PCLO: variants seen among roughly 807,000 people sequenced by gnomAD.
The protein encoded by PCLO is piccolo presynaptic cytomatrix protein, also known as protein piccolo.
In PCLO, 82 loss-of-function variants were observed where a neutral mutation model predicts 427.5. That is an observed-to-expected ratio of 0.19 (90% confidence interval 0.16 to 0.23). The LOEUF (loss-of-function observed/expected upper bound fraction) is 0.23. Among genes scored for constraint, PCLO ranks in the 10% least tolerant of loss-of-function variants. PCLO has a pLI of 1.00. For synonymous variants in PCLO, 2,357 were observed against 2,155.4 expected (o/e 1.09, Z -2.59); for missense variants, 6,239 against 6,115.9 (o/e 1.02, Z -0.67).
At chr7:82,997,378 T>A (rs1203157788) in intron 3 of PCLO, among the ~76,000 whole-genome samples, 1 of 151,996 alleles carries the variant, frequency 6.6e-6, no homozygotes, top group Non-Finnish European at 1.5e-5. Flanking sequence ...AGTACAGATA[T>A]AGCTGTTACC....
chr7:82,883,154 T>C (rs1031482488), intron 9 of PCLO, among the ~76,000 whole-genome samples: 1 of 152,038 alleles, frequency 6.6e-6, no homozygotes, highest in African/African-American at 2.4e-5. Context: ...TATCCTAGAA[T>C]AAAAATATAT....
chr7:82,791,479 A>G (rs1791100084), intron 22 of PCLO, among the ~76,000 whole-genome samples: 1 of 152,224 alleles, frequency 6.6e-6, no homozygotes, highest in Admixed American at 6.5e-5. Context: ...ACAAAACATG[A>G]CTTGAGTAGA....
At chr7:82,870,974 A>T (rs1343078553) in intron 10 of PCLO, among the ~76,000 whole-genome samples, 1 of 151,940 alleles carries the variant, frequency 6.6e-6, no homozygotes, top group East Asian at 1.9e-4. Context: ...GCTGGCAAAG[A>T]CTTGAAGAAA....
chr7:82,956,759 T>G lies in PCLO; in HGVS notation c.4194A>C (p.Ser1398=). ...ILKGLKKDSF[S]QESSPSSPSD... is the part of the protein sequence containing the mutation. ...AGGGGCTGGAAGGGCTGCTTTCTTG[T>G]GAAAAAGAGTCCTTTTTGAGTCCCT... Residue 1398 remains serine (S), a synonymous_variant, in exon 5 of 25, where the codon TCA becomes TCC. Coordinates refer to ENST00000333891, the MANE Select transcript of PCLO (RefSeq NM_033026.6). The G allele has an allele frequency of 1.2e-6, 2 of 1,613,876 alleles. No homozygotes were observed. The highest frequency in any genetic ancestry group is 1.7e-6 in the Non-Finnish European group (2 of 1,179,822).
At position 83,049,782 on chromosome 7, in the gene PCLO, A is replaced by G. The variant is rs150674871; in HGVS notation, c.3301-83295T>C. Reference sequence around the variant, plus strand: ...GGTTAGCTGGGCCTACTGCAGAGATAAGCAAAAGCGGTTAAGCTAAAAGAT... The same window carrying G: ...GGTTAGCTGGGCCTACTGCAGAGATGAGCAAAAGCGGTTAAGCTAAAAGAT... On this transcript the variant is annotated intron_variant, in intron 3 of 24. Transcript: ENST00000333891. 8.5e-3 allele frequency among the ~76,000 whole-genome samples: 1,293 copies of G among 152,248 alleles called. 12 individuals are homozygous for G. The highest frequency in any genetic ancestry group is 0.014 in the Non-Finnish European group (933 of 68,016).
intron 10 of PCLO, among the ~76,000 whole-genome samples, chr7:82,872,974 T>C (rs2115999954): frequency 6.6e-6 from 1 of 152,118 alleles, no homozygotes; most frequent in Middle Eastern, 3.4e-3. Context: ...TGCAAAGAAA[T>C]GGAAGCAAAA....
chr7:83,133,182 C>A (rs1791616039), intron 3 of PCLO, among the ~76,000 whole-genome samples: 1 of 151,838 alleles, frequency 6.6e-6, no homozygotes, highest in Non-Finnish European at 1.5e-5. Context: ...AAATATTTAA[C>A]TCAAGAACAC....
At chr7:82,762,804 T>C (rs182095982) in intron 22 of PCLO, among the ~76,000 whole-genome samples, 3 of 152,174 alleles carry the variant, frequency 2.0e-5, no homozygotes. Context: ...CTTTCATTTC[T>C]TTCTTTCTTC....
chr7:82,994,224 A>G (rs1244412533), intron 3 of PCLO, among the ~76,000 whole-genome samples: 1 of 152,072 alleles, frequency 6.6e-6, no homozygotes, highest in Non-Finnish European at 1.5e-5. Flanking sequence ...TTAATGTGCT[A>G]GGCAATACAA....
chr7:82,837,889 TCTTTAA>T (rs1260502391), intron 15 of PCLO, among the ~76,000 whole-genome samples: 1 of 151,944 alleles, frequency 6.6e-6, no homozygotes, highest in Non-Finnish European at 1.5e-5. Context: ...GTAAGCCAAT[TCTTTAA>T]CTTTGACACA....
intron 6 of PCLO, among the ~76,000 whole-genome samples, chr7:82,942,561 G>T (rs1487841244): frequency 1.3e-5 from 2 of 151,996 alleles, no homozygotes; most frequent in Non-Finnish European, 2.9e-5. Flanking sequence ...ATACTAAATT[G>T]CTGAGATCAA....
At chr7:83,075,195 T>C (rs973181505) in intron 3 of PCLO, among the ~76,000 whole-genome samples, 4 of 152,088 alleles carry the variant, frequency 2.6e-5, no homozygotes, top group African/African-American at 9.7e-5. Flanking sequence ...TTGAGAGATA[T>C]CACCAAGTAT....
At chr7:83,007,870 A>C (rs758252716) in intron 3 of PCLO, among the ~76,000 whole-genome samples, 1 of 150,902 alleles carries the variant, frequency 6.6e-6, no homozygotes, top group Non-Finnish European at 1.5e-5. Context: ...TATGTAGTGT[A>C]CTTAACAGTG....
At chr7:83,037,989 T>TTTTATATATATA (rs1437975363) in intron 3 of PCLO, among the ~76,000 whole-genome samples, 2 of 13,586 alleles carry the variant, frequency 1.5e-4, no homozygotes, top group African/African-American at 5.4e-4. Context: ...AAGGAGGAGC[T>TTTTATATATATA]TATATATATA....
intron 7 of PCLO, 95 bp from the exon 8 acceptor site, chr7:82,909,108 TTGTTA>T (rs1244467159): frequency 8.4e-7 from 1 of 1,186,214 alleles, no homozygotes; most frequent in Non-Finnish European, 1.2e-6. Flanking sequence ...TGCACTAGGC[TTGTTA>T]ACCATACATG....
chr7:83,133,106 T>C (rs867236750), intron 3 of PCLO, among the ~76,000 whole-genome samples: 4 of 152,132 alleles, frequency 2.6e-5, no homozygotes, highest in Middle Eastern at 3.4e-3. Flanking sequence ...CAGTGTTAAT[T>C]AGATCAAAGC....
chr7:83,116,308 G>C (rs1791129920), intron 3 of PCLO, among the ~76,000 whole-genome samples: 1 of 151,894 alleles, frequency 6.6e-6, no homozygotes, highest in African/African-American at 2.4e-5. Context: ...TAATAACGTG[G>C]GCTTACGTAA....
intron 3 of PCLO, among the ~76,000 whole-genome samples, chr7:82,989,127 G>C (rs1225214915): frequency 6.6e-6 from 1 of 151,946 alleles, no homozygotes; most frequent in African/African-American, 2.4e-5. Context: ...CTTGGCCAAG[G>C]AGCAGAATTT....
chr7:83,156,060 T>C lies in PCLO; in HGVS notation c.581A>G (p.Lys194Arg). 1 of 1,613,772 alleles carries C rather than the reference T, an allele frequency of 6.2e-7. No homozygotes were observed. Among genetic ancestry groups the C allele is most frequent in the Non-Finnish European group, 8.5e-7 (1 of 1,179,844 alleles). ...ASQEETTKKQKVVQKEQGKPE... is the reference protein window; with the variant it reads ...ASQEETTKKQRVVQKEQGKPE... ...TTTTCCTTGCTCCTTCTGAACCACT[T>C]TTTGTTTCTTGGTGGTTTCTTCCTG... is the stretch of plus-strand genomic sequence containing the variant. The change falls in exon 2 of 25, where the codon AAA becomes AGA. Residue 194 changes from lysine to arginine, a missense_variant. Coordinates refer to ENST00000333891, the MANE Select transcript of PCLO (RefSeq NM_033026.6).
Sources: allele counts gnomAD v4.1 joint callset (sites outside exome capture counted in the v4.1 genomes callset), GRCh38; gene constraint gnomAD v4.1.1; transcripts MANE v1.5; gene names NCBI Gene and HGNC (gene_info 2026-07-23, HGNC 2026-07-21).